Variants in GOPC observed in about 807,000 individuals in gnomAD.
GOPC encodes Golgi-associated PDZ and coiled-coil motif-containing protein.
A neutral mutation model predicts 51.2 loss-of-function variants in GOPC; 32 were observed. The ratio of observed to expected loss-of-function variants is 0.63; its 90% confidence interval spans 0.47 to 0.84. The LOEUF (loss-of-function observed/expected upper bound fraction) is 0.84. Among genes scored for constraint, GOPC ranks in the 40% least tolerant of loss-of-function variants. The pLI is 0.00. For missense variants in GOPC, 441 were observed against 555.5 expected, an observed-to-expected ratio of 0.79 and a Z score of 2.07; for synonymous variants, 190 against 205.1, an observed-to-expected ratio of 0.93 and a Z score of 0.63.
chr6:117,562,533 G>C lies in GOPC; in HGVS notation c.*721C>G, dbSNP rs927668229. 6 of 203,466 alleles carry C rather than the reference G, an allele frequency of 2.9e-5. No homozygotes were observed. In the Admixed American group the frequency reaches 3.0e-4, roughly 10 times the overall value. The allele number at this position is 203,466 out of a possible 1,614,324, so 12.6% of individuals were successfully genotyped here. A position where few individuals can be genotyped will look rare whatever the true frequency, so the allele number is the denominator to read the frequency against. ...ACACAGATCAACATAATTGAGAACA[G>C]ATGTTTTACACTCATCTGCATTTCT... On this transcript the variant is annotated 3_prime_UTR_variant, in exon 9 of 9. Coordinates refer to ENST00000368498, the MANE Select transcript of GOPC (RefSeq NM_020399.4).
At chr6:117,578,221 A>G (rs1779910310) in intron 2 of GOPC, among the ~76,000 whole-genome samples, 1 of 152,160 alleles carries the variant, frequency 6.6e-6, no homozygotes, top group Admixed American at 6.5e-5. Context: ...GTTTTACTGG[A>G]AGTGGCCATA....
rs1170953948 is a variant in GOPC at position 117,575,164 on chromosome 6, A to AT, written c.650+12dup. The AT allele has an allele frequency of 1.3e-6, 2 of 1,583,040 alleles. No individual in the cohort carries two copies. Among genetic ancestry groups the AT allele is most frequent in the South Asian group, 2.4e-5 (2 of 84,740 alleles). ...GTCACTTAAGAGTACAATAATACCC[A>AT]TTTTTTACACACCTTCCTGCCAGTT... On this transcript the variant is annotated intron_variant, in intron 4 of 8. Coordinates refer to ENST00000368498, the MANE Select transcript of GOPC (RefSeq NM_020399.4).
chr6:117,601,008 T>C (rs1260358511), intron 1 of GOPC, among the ~76,000 whole-genome samples: 1 of 152,196 alleles, frequency 6.6e-6, no homozygotes, highest in East Asian at 1.9e-4. Flanking sequence ...TTCATATTGA[T>C]ATAGATATAA....
chr6:117,583,978 T>G (rs945768943), intron 1 of GOPC, among the ~76,000 whole-genome samples: 2 of 152,240 alleles, frequency 1.3e-5, no homozygotes, highest in African/African-American at 2.4e-5. Flanking sequence ...TCAATATTAT[T>G]CCATCATCTT....
chr6:117,600,579 G>A (rs768370672), intron 1 of GOPC, among the ~76,000 whole-genome samples: 12 of 152,144 alleles, frequency 7.9e-5, no homozygotes, highest in Non-Finnish European at 1.8e-4. Flanking sequence ...CAAGGCAGGA[G>A]GATCACCTGA....
intron 1 of GOPC, among the ~76,000 whole-genome samples, chr6:117,597,057 T>G (rs193288745): frequency 6.6e-6 from 1 of 152,342 alleles, no homozygotes; most frequent in East Asian, 1.9e-4. Context: ...CACCTATGAT[T>G]TCTTTCAGCA....
Position 117,573,565 on chromosome 6 carries a change from A to G in GOPC, c.718T>C (p.Leu240=). Residue 240 remains leucine (L), a synonymous_variant, in exon 5 of 9, where the codon TTA becomes CTA. Coordinates refer to ENST00000368498, the MANE Select transcript of GOPC (RefSeq NM_020399.4). ...GPAHDKLWNQ[L]EAEIHLHRHK... ...CGATGCAAATGTATTTCAGCTTCTAATTGGTTCCAAAGCTTATCATGAGCA... is the reference window on the plus strand; with the variant it reads ...CGATGCAAATGTATTTCAGCTTCTAGTTGGTTCCAAAGCTTATCATGAGCA... 1.2e-6 allele frequency: 2 copies of G among 1,614,060 alleles called. No individual in the cohort carries two copies. The highest frequency in any genetic ancestry group is 1.7e-6 in the Non-Finnish European group (2 of 1,179,960).
chr6:117,574,851 T>G (rs1338633175), intron 4 of GOPC, among the ~76,000 whole-genome samples: 1 of 152,032 alleles, frequency 6.6e-6, no homozygotes, highest in Admixed American at 6.6e-5. Context: ...GAGGCCAAGG[T>G]GGATGGATCA....
rs762101648 is a variant in GOPC at position 117,561,706 on chromosome 6, G to A, written c.*1548C>T. 7 of 203,668 alleles carry A rather than the reference G, an allele frequency of 3.4e-5. No individual in the cohort carries two copies. Among genetic ancestry groups the A allele is most frequent in the Admixed American group, 6.0e-5 (1 of 16,746 alleles). The allele number at this position is 203,668 out of a possible 1,614,324, so 12.6% of individuals were successfully genotyped here. On this transcript the variant is annotated 3_prime_UTR_variant, in exon 9 of 9. Transcript: ENST00000368498. ...AGACAATGCTATAAAGTATTTTAAT[G>A]TCAGTAACAATATACACTACGAAGT...
At chr6:117,594,505 C>T (rs1562148271) in intron 1 of GOPC, among the ~76,000 whole-genome samples, 1 of 152,142 alleles carries the variant, frequency 6.6e-6, no homozygotes, top group Non-Finnish European at 1.5e-5. Context: ...ATAATCCAAA[C>T]TCCATAAAAG....
chr6:117,566,514 AAGAC>A (rs944718222), intron 8 of GOPC, among the ~76,000 whole-genome samples: 9 of 152,212 alleles, frequency 5.9e-5, no homozygotes, highest in Non-Finnish European at 1.3e-4. Flanking sequence ...AATTTGCATC[AAGAC>A]AGACAGACAA....
intron 6 of GOPC, among the ~76,000 whole-genome samples, chr6:117,570,319 A>G (rs1346106454): frequency 6.6e-6 from 1 of 152,166 alleles, no homozygotes; most frequent in African/African-American, 2.4e-5. Flanking sequence ...AGCAATACTA[A>G]AAAAACAAAT....
rs1470258344 is a variant in GOPC at position 117,560,473 on chromosome 6, C to CA, written c.*2780dup. 1 of 192,638 alleles carries CA rather than the reference C, an allele frequency of 5.2e-6. No homozygotes were observed. Among genetic ancestry groups the CA allele is most frequent in the Non-Finnish European group, 1.1e-5 (1 of 91,938 alleles). The allele number at this position is 192,638 out of a possible 1,614,324, so 11.9% of individuals were successfully genotyped here. A position where few individuals can be genotyped will look rare whatever the true frequency, so the allele number is the denominator to read the frequency against. On this transcript the variant is annotated 3_prime_UTR_variant, in exon 9 of 9. Coordinates refer to ENST00000368498, the MANE Select transcript of GOPC (RefSeq NM_020399.4). ...AATAGGGATTACATAATCAGGATGT[C>CA]AAATACTGTGCATCTTACACATGAA...
chr6:117,561,828 A>C lies in GOPC; in HGVS notation c.*1426T>G, dbSNP rs1779589837. On this transcript the variant is annotated 3_prime_UTR_variant, in exon 9 of 9. Transcript: ENST00000368498. The stretch of plus-strand genomic sequence containing the variant: ...AACAGTTAAAACATTAAATTTATAA[A>C]TAGCAAAACCACAAAATAAAGTATA... The C allele has an allele frequency of 4.8e-6, 1 of 207,510 alleles. No individual in the cohort carries two copies. The highest frequency in any genetic ancestry group is 1.9e-4 in the South Asian group (1 of 5,290). The allele number at this position is 207,510 out of a possible 1,614,324, so 12.9% of individuals were successfully genotyped here.
chr6:117,589,259 A>G (rs1449070795), intron 1 of GOPC, among the ~76,000 whole-genome samples: 1 of 152,240 alleles, frequency 6.6e-6, no homozygotes, highest in Non-Finnish European at 1.5e-5. Flanking sequence ...CCTGTCTGCC[A>G]AAATTAAGAG....
chr6:117,564,509 C>T (rs1779653506), intron 8 of GOPC, among the ~76,000 whole-genome samples: 2 of 151,934 alleles, frequency 1.3e-5, no homozygotes, highest in African/African-American at 4.8e-5. Context: ...AAATAATAGG[C>T]TTATAAATAA....
intron 1 of GOPC, among the ~76,000 whole-genome samples, chr6:117,587,936 T>C (rs1434428590): frequency 6.6e-6 from 1 of 152,094 alleles, no homozygotes; most frequent in Non-Finnish European, 1.5e-5. Flanking sequence ...TGCAGTGGCA[T>C]GATCACAGCT....
At position 117,578,885 on chromosome 6, in the gene GOPC, C is replaced by T. The variant is rs760115544; in HGVS notation, c.450+15G>A. On this transcript the variant is annotated intron_variant, in intron 2 of 8. Transcript: ENST00000368498. ...AAAATACATGCAAGGGCATGTCACTCTCTAAACTACTTACCAATTTTGCCT... is the reference window on the plus strand; with the variant it reads ...AAAATACATGCAAGGGCATGTCACTTTCTAAACTACTTACCAATTTTGCCT... 6.4e-7 allele frequency: 1 copy of T among 1,558,262 alleles called. No individual in the cohort carries two copies. The highest frequency in any genetic ancestry group is 1.2e-5 in the South Asian group (1 of 81,730).
At chr6:117,568,389 G>A (rs1442023881) in intron 7 of GOPC, among the ~76,000 whole-genome samples, 1 of 152,030 alleles carries the variant, frequency 6.6e-6, no homozygotes, top group Non-Finnish European at 1.5e-5. Flanking sequence ...TAGTCTCTTT[G>A]GTGCTCTTCT....
Sources: allele counts gnomAD v4.1 joint callset (sites outside exome capture counted in the v4.1 genomes callset), GRCh38; gene constraint gnomAD v4.1.1; transcripts MANE v1.5; gene names NCBI Gene and HGNC (gene_info 2026-07-23, HGNC 2026-07-21).